The following POC1B variants were observed in gnomAD, a reference collection of about 807,000 sequenced individuals.
POC1B encodes POC1 centriolar protein B.
A neutral mutation model predicts 60.6 loss-of-function variants in POC1B; 44 were observed. That is an observed-to-expected ratio of 0.73 (90% confidence interval 0.57 to 0.93). POC1B has a LOEUF of 0.93. POC1B is among the 40% of genes least tolerant of loss of function. The pLI, the probability that POC1B is intolerant of heterozygous loss-of-function variation, is 0.00. For synonymous variants in POC1B, 180 were observed against 198.9 expected (o/e 0.90, Z 0.80); for missense variants, 555 against 572.3 (o/e 0.97, Z 0.31).
At chr12:89,504,467 C>T (rs1301251853) in intron 2 of POC1B, among the ~76,000 whole-genome samples, 7 of 152,108 alleles carry the variant, frequency 4.6e-5, no homozygotes, top group African/African-American at 1.4e-4. Context: ...ACAAACACTG[C>T]GGAAGGCCGC....
In POC1B at chr12:89,524,519, T is replaced by A. The variant is rs754644041; in HGVS notation, c.100+601A>T. ...GTTAAAAACGCCAGCAGCAGGCAGC[T>A]CTTGCCTGCCCAAGTCCACCTCACC... On this transcript the variant is annotated intron_variant, in intron 2 of 11. Transcript: ENST00000313546. 3 of 1,611,906 alleles carry A rather than the reference T, an allele frequency of 1.9e-6. No individual in the cohort carries two copies. In the South Asian group the frequency reaches 3.3e-5, roughly 18 times the overall value.
chr12:89,438,745 T>C (rs535967609), intron 10 of POC1B, among the ~76,000 whole-genome samples: 3 of 152,352 alleles, frequency 2.0e-5, no homozygotes, highest in Admixed American at 6.5e-5. Context: ...CTATACTTTC[T>C]ACTCAGGCAG....
At chr12:89,462,416 G>C (rs928757927) in intron 9 of POC1B, among the ~76,000 whole-genome samples, 1 of 152,126 alleles carries the variant, frequency 6.6e-6, no homozygotes, top group Non-Finnish European at 1.5e-5. Flanking sequence ...ATGAGGTAAA[G>C]GTTAGCCTGT....
chr12:89,421,933 C>G (rs1156845969), intron 11 of POC1B, among the ~76,000 whole-genome samples: 1 of 152,050 alleles, frequency 6.6e-6, no homozygotes, highest in African/African-American at 2.4e-5. Context: ...CATATACAAA[C>G]ACATATACAT....
Position 89,424,704 on chromosome 12 carries a change from A to T in POC1B, c.1332+457T>A, listed in dbSNP as rs189655242. ...AGATGCATTGTATTTTTCTTTGCAA[A>T]GGTAAACTGGCCTCAAAAAAGTGGA... On this transcript the variant is annotated intron_variant, in intron 11 of 11. Transcript: ENST00000313546. 1.7e-3 allele frequency among the ~76,000 whole-genome samples: 264 copies of T among 152,316 alleles called. 1 individual carries two copies. The highest frequency in any genetic ancestry group is 2.8e-3 in the Non-Finnish European group (193 of 68,030).
At chr12:89,419,027 G>A (rs1401910571), downstream of POC1B, among the ~76,000 whole-genome samples, 1 of 152,046 alleles carries the variant, frequency 6.6e-6, no homozygotes, top group East Asian at 1.9e-4. Flanking sequence ...TGTCCTGAAG[G>A]AATGAACTGT....
At chr12:89,503,486 C>G (rs1592633649) in intron 2 of POC1B, among the ~76,000 whole-genome samples, 1 of 152,236 alleles carries the variant, frequency 6.6e-6, no homozygotes, top group South Asian at 2.1e-4. Flanking sequence ...TCCCAGCCGC[C>G]TGCCTTGGCC....
At chr12:89,491,911 T>A (rs897141064) in intron 4 of POC1B, 25 bp downstream of exon 4, 2 of 1,461,460 alleles carry the variant, frequency 1.4e-6, no homozygotes, top group Admixed American at 5.1e-5. Context: ...TGTGGACATC[T>A]TAATATGAAA....
intron 10 of POC1B, among the ~76,000 whole-genome samples, chr12:89,457,739 T>C (rs1882315949): frequency 6.6e-6 from 1 of 152,208 alleles, no homozygotes; most frequent in African/African-American, 2.4e-5. Context: ...CAATTTCATA[T>C]AATTCAACCT....
chr12:89,436,983 G>T (rs1881298066), intron 10 of POC1B, among the ~76,000 whole-genome samples: 1 of 152,040 alleles, frequency 6.6e-6, no homozygotes, highest in Admixed American at 6.6e-5. Context: ...CCATTATCCA[G>T]CCAGCAGCCA....
intron 2 of POC1B, chr12:89,500,818 C>A: frequency 9.8e-7 from 1 of 1,021,510 alleles, no homozygotes; most frequent in Non-Finnish European, 1.5e-6. Context: ...GAAAGAAAAC[C>A]ATCAGGATCA....
chr12:89,473,236 A>T (rs1386229648), intron 4 of POC1B, among the ~76,000 whole-genome samples: 1 of 152,246 alleles, frequency 6.6e-6, no homozygotes, highest in African/African-American at 2.4e-5. Flanking sequence ...ATATAATTGA[A>T]GATTTTTCTT....
At chr12:89,424,272 G>A (rs746091545) in intron 11 of POC1B, among the ~76,000 whole-genome samples, 3 of 152,140 alleles carry the variant, frequency 2.0e-5, no homozygotes, top group Non-Finnish European at 4.4e-5. Flanking sequence ...GATGCTAGGG[G>A]CTTATCCCAG....
chr12:89,435,892 T>C (rs1881240196), intron 10 of POC1B, among the ~76,000 whole-genome samples: 1 of 151,990 alleles, frequency 6.6e-6, no homozygotes, highest in Non-Finnish European at 1.5e-5. Context: ...CGCATATGCA[T>C]GTGTGTGTAT....
At chr12:89,495,137 C>T (rs1869180479) in intron 3 of POC1B, among the ~76,000 whole-genome samples, 3 of 152,292 alleles carry the variant, frequency 2.0e-5, no homozygotes, top group Admixed American at 6.5e-5. Context: ...CCTACACAAG[C>T]CTAATCATTG....
intron 9 of POC1B, chr12:89,461,633 G>A (rs1216206126): frequency 6.6e-6 from 1 of 152,170 alleles, no homozygotes; most frequent in African/African-American, 2.4e-5. Context: ...ATGCTTGATG[G>A]GTATGGCTGT....
intron 3 of POC1B, among the ~76,000 whole-genome samples, chr12:89,495,755 GTATTAT>G (rs374258039): frequency 3.3e-5 from 5 of 151,214 alleles, no homozygotes; most frequent in Admixed American, 6.6e-5. Flanking sequence ...TACTTTATTC[GTATTAT>G]TATTATTATT....
In POC1B at chr12:89,478,598, C is replaced by A. The variant is rs1883206463; in HGVS notation, c.453-6323G>T. The stretch of plus-strand genomic sequence containing the variant: ...AAAAAAAGTTTTAAGGGAATTTAAA[C>A]TAACTTAATATTATATATAGCCAAT... On this transcript the variant is annotated intron_variant, in intron 4 of 11. Transcript: ENST00000313546. Among the ~76,000 whole-genome samples the A allele has an allele frequency of 2.0e-5, 3 of 151,998 alleles. No homozygotes were observed. In the South Asian group the frequency reaches 6.2e-4, roughly 31 times the overall value.
chr12:89,523,321 G>T lies in POC1B; in HGVS notation c.100+1799C>A, dbSNP rs767523055. On this transcript the variant is annotated intron_variant, in intron 2 of 11. Coordinates refer to ENST00000313546, the MANE Select transcript of POC1B (RefSeq NM_172240.3). ...CCGCTCTCGTAGTAATTTTCTTTCA[G>T]AAATATCACCATAAGCTTCTTTTCT... 78 of 1,613,892 alleles carry T rather than the reference G, an allele frequency of 4.8e-5. 1 individual carries two copies. The Middle Eastern group carries it at 9.9e-4, about 20-fold the overall frequency.
Sources: allele counts gnomAD v4.1 joint callset (sites outside exome capture counted in the v4.1 genomes callset), GRCh38; gene constraint gnomAD v4.1.1; transcripts MANE v1.5; gene names NCBI Gene and HGNC (gene_info 2026-07-23, HGNC 2026-07-21).